CACNA1D: variants seen among roughly 807,000 people sequenced by gnomAD.
CACNA1D encodes the protein voltage-dependent L-type calcium channel subunit alpha-1D.
Under a neutral mutation model 257.1 loss-of-function variants are expected in CACNA1D, and 55 were observed. The observed-to-expected ratio is 0.21, with a 90% CI of 0.17 to 0.27. The LOEUF is 0.27. CACNA1D is among the 10% of genes least tolerant of loss of function. CACNA1D has a pLI of 1.00. For synonymous variants in CACNA1D, 980 were observed against 1,014.9 expected, an observed-to-expected ratio of 0.97 and a Z score of 0.65; for missense variants, 1,876 against 2,784.0, an observed-to-expected ratio of 0.67 and a Z score of 7.34.
At chr3:53,797,422 G>C (rs1483923390) in intron 40 of CACNA1D, among the ~76,000 whole-genome samples, 1 of 152,188 alleles carries the variant, frequency 6.6e-6, no homozygotes, top group African/African-American at 2.4e-5. Context: ...CCTGGAACAA[G>C]CAGAATATAA....
At chr3:53,563,873 T>C (rs537992350) in intron 3 of CACNA1D, among the ~76,000 whole-genome samples, 5 of 152,322 alleles carry the variant, frequency 3.3e-5, no homozygotes, top group African/African-American at 1.2e-4. Flanking sequence ...TCTTGATACA[T>C]ATGTGCTAAG....
intron 8 of CACNA1D, among the ~76,000 whole-genome samples, chr3:53,700,784 G>T (rs2094617093): frequency 6.6e-6 from 1 of 152,052 alleles, no homozygotes; most frequent in Non-Finnish European, 1.5e-5. Context: ...CCAAGGATAG[G>T]TTCCAGGGAG....
In CACNA1D at chr3:53,497,457, T is replaced by C; in HGVS notation, c.373T>C (p.Trp125Arg). The change falls in exon 2 of 48, where the codon TGG becomes CGG. Residue 125 changes from tryptophan (W) to arginine (R), a missense_variant. Transcript: ENST00000350061. ...AAGAGCCTGCATTAGTATAGTGGAA[T>C]GGAAGTATCCTTTTTTTGGGGGAAG... ...IRRACISIVE[W>R]KPFDIFILLA... 1.9e-6 allele frequency: 3 copies of C among 1,614,040 alleles called. No homozygotes were observed. The highest frequency in any genetic ancestry group is 2.5e-6 in the Non-Finnish European group (3 of 1,179,912).
chr3:53,631,009 A>G (rs970467805), intron 3 of CACNA1D, among the ~76,000 whole-genome samples: 1 of 152,246 alleles, frequency 6.6e-6, no homozygotes. Flanking sequence ...TCAGCAGGTC[A>G]TAATCTTTTT....
intron 40 of CACNA1D, chr3:53,796,373 A>G (rs1478027604): frequency 6.6e-6 from 3 of 456,016 alleles, no homozygotes; most frequent in Non-Finnish European, 1.3e-5. Context: ...GACTAGAGAC[A>G]TGCATCTCTT....
chr3:53,638,707 C>T (rs2093914486), intron 3 of CACNA1D, among the ~76,000 whole-genome samples: 1 of 152,194 alleles, frequency 6.6e-6, no homozygotes, highest in Admixed American at 6.5e-5. Flanking sequence ...TAATAAGTGG[C>T]AGAGCCAGAA....
intron 3 of CACNA1D, among the ~76,000 whole-genome samples, chr3:53,504,693 A>T (rs187901853): frequency 0.012 from 1,762 of 148,868 alleles, 29 homozygotes; most frequent in African/African-American, 0.041. Flanking sequence ...TTTTATTATT[A>T]TTTTTTTTTT....
At chr3:53,740,977 C>G (rs527630058) in intron 21 of CACNA1D, among the ~76,000 whole-genome samples, 2 of 152,312 alleles carry the variant, frequency 1.3e-5, no homozygotes, top group East Asian at 1.9e-4. Flanking sequence ...AAGGTATTTT[C>G]TGTCTGTTTT....
intron 28 of CACNA1D, among the ~76,000 whole-genome samples, chr3:53,752,468 C>T (rs940135985): frequency 1.6e-4 from 25 of 152,302 alleles, no homozygotes; most frequent in Non-Finnish European, 1.3e-4. Context: ...AGCGCGATCT[C>T]GGCTCACTGC....
intron 4 of CACNA1D, among the ~76,000 whole-genome samples, chr3:53,654,085 A>T (rs1026042353): frequency 2.0e-5 from 3 of 152,090 alleles, no homozygotes; most frequent in African/African-American, 7.2e-5. Context: ...CAAAATCAAA[A>T]TTTTTTCAGA....
intron 7 of CACNA1D, among the ~76,000 whole-genome samples, chr3:53,668,540 C>T (rs933618987): frequency 1.3e-5 from 2 of 152,214 alleles, no homozygotes; most frequent in Admixed American, 6.5e-5. Flanking sequence ...CATTCATAAA[C>T]TTTATCCCAG....
At chr3:53,745,210 G>A (rs2095156292) in intron 23 of CACNA1D, among the ~76,000 whole-genome samples, 1 of 151,194 alleles carries the variant, frequency 6.6e-6, no homozygotes, top group South Asian at 2.1e-4. Flanking sequence ...GGGCCCATGT[G>A]CCAGGCAGCA....
intron 34 of CACNA1D, 72 bp from the exon 35 acceptor site, chr3:53,775,814 T>TC: frequency 6.9e-7 from 1 of 1,449,438 alleles, no homozygotes; most frequent in Non-Finnish European, 9.7e-7. Context: ...TATGAGTTTT[T>TC]CTCCCCTAAG....
At chr3:53,802,117 T>G in intron 42 of CACNA1D, 30 bp from the exon 43 acceptor site, 1 of 1,581,340 alleles carries the variant, frequency 6.3e-7, no homozygotes, top group Non-Finnish European at 8.7e-7. Context: ...ATCTTCTCCC[T>G]CCTTCCCATG....
intron 14 of CACNA1D, 117 bp downstream of exon 14, chr3:53,724,116 C>T: frequency 1.2e-6 from 1 of 824,466 alleles, no homozygotes; most frequent in Admixed American, 1.9e-5. Flanking sequence ...TTCATCTCTG[C>T]CCTAATCATA....
Position 53,800,788 on chromosome 3 carries a change from C to T in CACNA1D, c.5041-270C>T. On this transcript the variant is annotated intron_variant, in intron 41 of 47. Coordinates refer to ENST00000350061, the MANE Select transcript of CACNA1D (RefSeq NM_001128840.3). This position sits in a 1 kb window ranked among gnomAD's most constrained non-coding sequence, Gnocchi z 4.3. ...AGCCAGCCCAGCTGGGTATAAGTCACCCCAACTTGGAGCAACTGGAAGAGC... is the reference window on the plus strand; with the variant it reads ...AGCCAGCCCAGCTGGGTATAAGTCATCCCAACTTGGAGCAACTGGAAGAGC... The T allele has an allele frequency of 1.8e-6, 1 of 558,984 alleles. No individual in the cohort carries two copies. Among genetic ancestry groups the T allele is most frequent in the East Asian group, 3.1e-5 (1 of 31,808 alleles). 34.6% of individuals were successfully genotyped at this position (558,984 alleles called of 1,614,324 possible).
intron 10 of CACNA1D, 72 bp downstream of exon 10, chr3:53,718,460 C>T: frequency 7.0e-7 from 1 of 1,429,524 alleles, no homozygotes; most frequent in Non-Finnish European, 9.8e-7. Flanking sequence ...GGAAGACCGC[C>T]CAGGCTGCAG....
At chr3:53,512,169 ATATAAAT>A (rs1459685876) in intron 3 of CACNA1D, among the ~76,000 whole-genome samples, 1 of 152,230 alleles carries the variant, frequency 6.6e-6, no homozygotes, top group Non-Finnish European at 1.5e-5. Flanking sequence ...AATTATTGAA[ATATAAAT>A]TAATGGTGAA....
At chr3:53,595,839 A>T (rs761904828) in intron 3 of CACNA1D, among the ~76,000 whole-genome samples, 45 of 152,218 alleles carry the variant, frequency 3.0e-4, no homozygotes, top group Non-Finnish European at 6.5e-4. Context: ...TCATTTGATC[A>T]TAAGGCATTT....
Sources: allele counts gnomAD v4.1 joint callset (sites outside exome capture counted in the v4.1 genomes callset), GRCh38; gene constraint gnomAD v4.1.1; non-coding constraint Gnocchi (gnomAD v3.1); transcripts MANE v1.5; gene names NCBI Gene and HGNC (gene_info 2026-07-23, HGNC 2026-07-21).